ROS1: variants seen among roughly 807,000 people sequenced by gnomAD.
ROS1 encodes the protein proto-oncogene tyrosine-protein kinase ROS.
ROS1 carries 263 observed loss-of-function variants against 273.5 expected under a neutral mutation model. The ratio of observed to expected loss-of-function variants is 0.96; its 90% confidence interval spans 0.87 to 1.06. ROS1 has a LOEUF of 1.06. Among genes scored for constraint, ROS1 ranks in the 50% least tolerant of loss-of-function variants. The probability of loss-of-function intolerance (pLI) is 0.00; values close to 1 mark genes in which losing one functional copy is unlikely to be tolerated. For synonymous variants in ROS1, 1,008 were observed against 954.1 expected (o/e 1.06, Z -1.04); for missense variants, 2,833 against 2,751.1 (o/e 1.03, Z -0.67).
chr6:117,403,007 A>G (rs1457312806), intron 7 of ROS1, 132 bp downstream of exon 7: 1 of 942,882 alleles, frequency 1.1e-6, no homozygotes, highest in Non-Finnish European at 1.6e-6. Context: ...CCTGGCACAT[A>G]GTTATGTACC....
intron 34 of ROS1, 26 bp downstream of exon 34, chr6:117,326,198 G>A (rs180765097): frequency 6.9e-6 from 10 of 1,457,880 alleles, no homozygotes; most frequent in Non-Finnish European, 9.3e-6. Context: ...TAATAAGCTA[G>A]TGTGTAGACA....
At position 117,387,808 on chromosome 6, in the gene ROS1, C is replaced by A. The variant is rs9489143; in HGVS notation, c.1971G>T (p.Glu657Asp). Residue 657 changes from glutamate (E) to aspartate (D), a missense_variant, in exon 14 of 44, where the codon GAG (glutamate) becomes GAT (aspartate). By Grantham distance (45) the Glu-to-Asp change is conservative. Coordinates refer to ENST00000368507, the MANE Select transcript of ROS1 (RefSeq NM_001378902.1). ...GCACCAGGGTAGTACCCACTGAGGG[C>A]TCTGACCAGGGGCCTGGCCTCTTTG... ...SSPKRPGPWS[E>D]PSVGTTLVPA... The A allele has an allele frequency of 6.2e-7, 1 of 1,613,860 alleles. No homozygotes were observed. Among genetic ancestry groups the A allele is most frequent in the Non-Finnish European group, 8.5e-7 (1 of 1,179,902 alleles).
At chr6:117,311,876 C>T (rs1328584416) in intron 39 of ROS1, among the ~76,000 whole-genome samples, 2 of 152,068 alleles carry the variant, frequency 1.3e-5, no homozygotes, top group African/African-American at 4.8e-5. Flanking sequence ...CATTGTCTGT[C>T]CCTTTCCATT....
intron 5 of ROS1, among the ~76,000 whole-genome samples, chr6:117,405,988 TA>T (rs1774367498): frequency 1.3e-5 from 2 of 152,232 alleles, no homozygotes; most frequent in East Asian, 1.9e-4. Flanking sequence ...AAATGCCTAA[TA>T]AAAAATAGCT....
intron 27 of ROS1, among the ~76,000 whole-genome samples, chr6:117,346,519 G>T (rs1283808032): frequency 2.0e-5 from 3 of 151,640 alleles, no homozygotes; most frequent in East Asian, 1.9e-4. Flanking sequence ...GTATGTGGCT[G>T]GGAGGAGGAT....
At chr6:117,314,297 G>A (rs1470074343) in intron 39 of ROS1, among the ~76,000 whole-genome samples, 1 of 152,074 alleles carries the variant, frequency 6.6e-6, no homozygotes, top group African/African-American at 2.4e-5. Flanking sequence ...AAAGCATTCT[G>A]GAAGAGGGAA....
At chr6:117,400,756 C>A (rs1370441864) in intron 7 of ROS1, among the ~76,000 whole-genome samples, 3 of 152,192 alleles carry the variant, frequency 2.0e-5, no homozygotes, top group African/African-American at 7.2e-5. Context: ...GGCCCTTGGG[C>A]TGACACCTTG....
chr6:117,368,348 A>G (rs945142181), intron 18 of ROS1, among the ~76,000 whole-genome samples: 1 of 152,112 alleles, frequency 6.6e-6, no homozygotes. Context: ...AAAAATATAA[A>G]TAAAGTTTTG....
intron 43 of ROS1, among the ~76,000 whole-genome samples, chr6:117,289,030 T>C (rs778561728): frequency 3.9e-5 from 6 of 152,186 alleles, no homozygotes; most frequent in Non-Finnish European, 5.9e-5. Context: ...GCTATATGTA[T>C]ATATATGTCA....
intron 32 of ROS1, among the ~76,000 whole-genome samples, chr6:117,336,581 C>T (rs748802123): frequency 2.6e-5 from 4 of 152,018 alleles, no homozygotes; most frequent in Non-Finnish European, 4.4e-5. Context: ...TGTTGACGGG[C>T]ATTTGGGTTG....
chr6:117,311,930 G>T (rs1775579221), intron 39 of ROS1, among the ~76,000 whole-genome samples: 1 of 151,942 alleles, frequency 6.6e-6, no homozygotes, highest in Admixed American at 6.6e-5. Context: ...TCCCTAATTT[G>T]ATGCATTCAA....
At chr6:117,314,105 C>A (rs1418378327) in intron 39 of ROS1, among the ~76,000 whole-genome samples, 2 of 151,866 alleles carry the variant, frequency 1.3e-5, no homozygotes, top group Non-Finnish European at 2.9e-5. Flanking sequence ...CTTTTCATAC[C>A]CCCAGCCCCA....
intron 31 of ROS1, among the ~76,000 whole-genome samples, chr6:117,337,877 A>G (rs1278691763): frequency 6.6e-6 from 1 of 152,040 alleles, no homozygotes; most frequent in Non-Finnish European, 1.5e-5. Flanking sequence ...CTTTATTTTT[A>G]TATACTGGAA....
At chr6:117,294,545 G>T (rs1774074216) in intron 43 of ROS1, among the ~76,000 whole-genome samples, 1 of 152,102 alleles carries the variant, frequency 6.6e-6, no homozygotes, top group South Asian at 2.1e-4. Flanking sequence ...TTGCATCTGT[G>T]TTCATCAGGG....
intron 39 of ROS1, among the ~76,000 whole-genome samples, chr6:117,316,458 G>A (rs1256210937): frequency 2.0e-5 from 3 of 151,806 alleles, no homozygotes; most frequent in African/African-American, 4.8e-5. Flanking sequence ...CTTATCTTAC[G>A]TGTTCTCATC....
intron 11 of ROS1, among the ~76,000 whole-genome samples, chr6:117,393,579 T>G (rs189383809): frequency 6.6e-6 from 1 of 152,342 alleles, no homozygotes; most frequent in Admixed American, 6.5e-5. Flanking sequence ...TTTTTAACAT[T>G]TAAGCGATAT....
chr6:117,318,103 A>AG (rs1562265842), intron 38 of ROS1, 85 bp downstream of exon 38: 2 of 927,052 alleles, frequency 2.2e-6, no homozygotes, highest in African/African-American at 3.3e-5. Flanking sequence ...TGATCCGTTA[A>AG]GTCATGTCAT....
rs1379084378 is a variant in ROS1 at position 117,341,298 on chromosome 6, T to C, written c.4898A>G (p.His1633Arg). ...NIYVLKVLAC[H>R]SEEMWCTESH... is the part of the protein sequence containing the mutation. ...CTCTGTACACCACATTTCCTCAGAG[T>C]GGCAGGCAAGAACCTTTTGGTAAAA... Residue 1633 changes from histidine to arginine, a missense_variant, in exon 31 of 44, where the codon CAC becomes CGC. Transcript: ENST00000368507. 5.6e-6 allele frequency: 9 copies of C among 1,612,928 alleles called. No homozygotes were observed. Among genetic ancestry groups the C allele is most frequent in the Non-Finnish European group, 6.8e-6 (8 of 1,179,542 alleles).
chr6:117,325,548 G>T (rs1187052287), intron 34 of ROS1, among the ~76,000 whole-genome samples: 1 of 152,174 alleles, frequency 6.6e-6, no homozygotes, highest in Non-Finnish European at 1.5e-5. Flanking sequence ...GTATTTCAGA[G>T]AGGGATTAAG....
Sources: allele counts gnomAD v4.1 joint callset (sites outside exome capture counted in the v4.1 genomes callset), GRCh38; gene constraint gnomAD v4.1.1; transcripts MANE v1.5; gene names NCBI Gene and HGNC (gene_info 2026-07-23, HGNC 2026-07-21).